CEP112: variants seen among roughly 807,000 people sequenced by gnomAD.
CEP112 encodes the protein centrosomal protein 112.
Under a neutral mutation model 153.0 loss-of-function variants are expected in CEP112, and 127 were observed. The observed-to-expected ratio is 0.83, with a 90% confidence interval of 0.72 to 0.96. The LOEUF (loss-of-function observed/expected upper bound fraction) is 0.96, where lower values mean the gene tolerates loss of function less well. Among genes scored for constraint, CEP112 ranks in the 40% least tolerant of loss-of-function variants. CEP112 has a pLI of 0.00. For missense variants in CEP112, 1,089 were observed against 1,101.2 expected, an observed-to-expected ratio of 0.99 and a Z score of 0.16; for synonymous variants, 358 against 374.4, an observed-to-expected ratio of 0.96 and a Z score of 0.51.
chr17:65,808,999 C>G (rs1262111182), intron 21 of CEP112, among the ~76,000 whole-genome samples: 5 of 152,142 alleles, frequency 3.3e-5, no homozygotes, highest in Non-Finnish European at 7.4e-5. Flanking sequence ...TGTTATGACA[C>G]AGCAAGAATG....
intron 4 of CEP112, among the ~76,000 whole-genome samples, chr17:66,145,843 T>C (rs2070894703): frequency 1.3e-5 from 2 of 152,112 alleles, no homozygotes; most frequent in Admixed American, 6.5e-5. Flanking sequence ...CTATTCCTAA[T>C]TTGCTGAGAG....
At position 66,028,376 on chromosome 17, in the gene CEP112, C is replaced by G; in HGVS notation, c.1533G>C (p.Gln511His). The G allele has an allele frequency of 1.9e-6, 3 of 1,598,320 alleles. No individual in the cohort carries two copies. Among genetic ancestry groups the G allele is most frequent in the Non-Finnish European group, 2.6e-6 (3 of 1,171,132 alleles). ...ACTGCTGTTTTAATTGACAGACATT[C>G]TGCTCTAATTCTTCAATCATACTAG... ...KASSMIEELE[Q>H]NVCQLKQQLQ... The change falls in exon 15 of 27, where the codon CAG (glutamine) becomes CAC (histidine). Residue 511 changes from glutamine (Q) to histidine (H), a missense_variant. By Grantham distance (24) the Gln-to-His change is conservative. Transcript: ENST00000535342.
intron 12 of CEP112, among the ~76,000 whole-genome samples, chr17:66,037,403 G>A (rs1368848205): frequency 6.6e-6 from 1 of 151,670 alleles, no homozygotes; most frequent in East Asian, 1.9e-4. Flanking sequence ...CTCTCCTCTG[G>A]CTCTCCCGTG....
intron 17 of CEP112, among the ~76,000 whole-genome samples, chr17:65,973,690 AG>A (rs1377243000): frequency 9.2e-5 from 14 of 152,302 alleles, no homozygotes; most frequent in Admixed American, 9.2e-4. Flanking sequence ...TTGAAATATA[AG>A]GACAGGAAAT....
intron 21 of CEP112, among the ~76,000 whole-genome samples, chr17:65,825,685 T>A (rs1691974494): frequency 6.6e-6 from 1 of 152,012 alleles, no homozygotes; most frequent in Non-Finnish European, 1.5e-5. Flanking sequence ...ATAGTTATCA[T>A]AACTTAAAAT....
chr17:65,663,465 G>A (rs1183157511), intron 24 of CEP112, among the ~76,000 whole-genome samples: 1 of 152,184 alleles, frequency 6.6e-6, no homozygotes, highest in African/African-American at 2.4e-5. Context: ...GCAACCATAA[G>A]AAGTCTGAGA....
chr17:66,172,347 C>T (rs758960423), intron 4 of CEP112, among the ~76,000 whole-genome samples: 13 of 152,076 alleles, frequency 8.5e-5, no homozygotes, highest in Non-Finnish European at 1.6e-4. Context: ...ATGGCGGGGT[C>T]GCCTAAACTG....
At chr17:66,116,242 T>A (rs568837839) in intron 6 of CEP112, among the ~76,000 whole-genome samples, 44 of 152,290 alleles carry the variant, frequency 2.9e-4, no homozygotes, top group African/African-American at 1.0e-3. Context: ...TATCTACCAT[T>A]ATGATCTCTT....
At chr17:65,835,193 T>TAAAAAAAAAAA (rs35890393) in intron 21 of CEP112, among the ~76,000 whole-genome samples, 1 of 130,860 alleles carries the variant, frequency 7.6e-6, no homozygotes, top group Non-Finnish European at 1.6e-5. Context: ...AAAATAAAAG[T>TAAAAAAAAAAA]AAAAAAAAAA....
intron 17 of CEP112, among the ~76,000 whole-genome samples, chr17:65,993,539 T>C (rs1298493876): frequency 6.6e-6 from 1 of 152,122 alleles, no homozygotes; most frequent in Non-Finnish European, 1.5e-5. Flanking sequence ...AAGAAACATA[T>C]AAGAATGTTC....
chr17:65,999,448 A>T (rs2063927151), intron 17 of CEP112, among the ~76,000 whole-genome samples: 1 of 151,936 alleles, frequency 6.6e-6, no homozygotes, highest in African/African-American at 2.4e-5. Context: ...TGATTTGCCC[A>T]CCTCGGCCTC....
intron 16 of CEP112, among the ~76,000 whole-genome samples, chr17:66,009,312 C>T (rs917255243): frequency 3.3e-5 from 5 of 151,590 alleles, no homozygotes; most frequent in African/African-American, 7.3e-5. Context: ...TTAGTGATGT[C>T]GAGAATGTTT....
chr17:66,180,232 T>C (rs1195183434), intron 2 of CEP112, among the ~76,000 whole-genome samples: 1 of 152,176 alleles, frequency 6.6e-6, no homozygotes, highest in Admixed American at 6.5e-5. Context: ...CTCCCTCCTC[T>C]ATTTTTTTGA....
intron 21 of CEP112, chr17:65,750,985 A>G (rs1345678612): frequency 8.0e-6 from 3 of 375,744 alleles, no homozygotes; most frequent in Non-Finnish European, 9.5e-6. Context: ...AAAGAGAGAC[A>G]GAAATAGACA....
chr17:66,013,137 C>G (rs1568377952), intron 16 of CEP112, among the ~76,000 whole-genome samples: 1 of 149,844 alleles, frequency 6.7e-6, no homozygotes, highest in African/African-American at 2.4e-5. Flanking sequence ...TTATTTTATT[C>G]CTTATAATCC....
intron 24 of CEP112, among the ~76,000 whole-genome samples, chr17:65,664,472 T>A (rs2046580897): frequency 6.6e-6 from 1 of 152,124 alleles, no homozygotes; most frequent in South Asian, 2.1e-4. Flanking sequence ...ATGATGACAA[T>A]GGTATTTTAG....
At chr17:66,041,208 T>C (rs909566910) in intron 12 of CEP112, among the ~76,000 whole-genome samples, 2 of 151,776 alleles carry the variant, frequency 1.3e-5, no homozygotes, top group Non-Finnish European at 2.9e-5. Flanking sequence ...TATTATATAA[T>C]GAATATACAT....
At chr17:65,784,416 C>T (rs533976441) in intron 21 of CEP112, among the ~76,000 whole-genome samples, 1 of 152,276 alleles carries the variant, frequency 6.6e-6, no homozygotes, top group East Asian at 1.9e-4. Flanking sequence ...GAACTATTTG[C>T]CTCAGCTTCT....
chr17:65,943,484 A>G (rs1457484833), intron 18 of CEP112, among the ~76,000 whole-genome samples: 2 of 152,234 alleles, frequency 1.3e-5, no homozygotes, highest in Admixed American at 6.5e-5. Flanking sequence ...TAGTTGCCCG[A>G]TAAGAAATTC....
Sources: allele counts gnomAD v4.1 joint callset (sites outside exome capture counted in the v4.1 genomes callset), GRCh38; gene constraint gnomAD v4.1.1; transcripts MANE v1.5; gene names NCBI Gene and HGNC (gene_info 2026-07-23, HGNC 2026-07-21).